The following ADCY8 variants were observed in gnomAD, a reference collection of about 807,000 sequenced individuals.
The protein encoded by ADCY8 is adenylate cyclase 8.
A neutral mutation model predicts 119.7 loss-of-function variants in ADCY8; 51 were observed. The observed-to-expected ratio is 0.43, with a 90% confidence interval of 0.34 to 0.54. The LOEUF is 0.54. Among genes scored for constraint, ADCY8 ranks in the 20% least tolerant of loss-of-function variants. The pLI is 0.03. For missense variants in ADCY8, 1,383 were observed against 1,598.8 expected, an observed-to-expected ratio of 0.87 and a Z score of 2.30; for synonymous variants, 665 against 651.0, an observed-to-expected ratio of 1.02 and a Z score of -0.33.
chr8:130,786,269 G>A (rs1166260902), intron 15 of ADCY8, among the ~76,000 whole-genome samples: 4 of 152,222 alleles, frequency 2.6e-5, no homozygotes, highest in African/African-American at 4.8e-5. Flanking sequence ...GAATGAATGA[G>A]TGAATGATTA....
chr8:130,964,869 A>C (rs1036475344), intron 2 of ADCY8, among the ~76,000 whole-genome samples: 5 of 151,948 alleles, frequency 3.3e-5, no homozygotes, highest in African/African-American at 4.8e-5. Context: ...AGCCATTCTT[A>C]CTCGTGTGAG....
intron 9 of ADCY8, among the ~76,000 whole-genome samples, chr8:130,853,332 G>A (rs528485490): frequency 9.2e-5 from 14 of 152,216 alleles, no homozygotes; most frequent in Admixed American, 3.3e-4. Flanking sequence ...GCCACAGATG[G>A]CACCGTCTCA....
At position 131,039,903 on chromosome 8, in the gene ADCY8, T is replaced by A; in HGVS notation, c.431A>T (p.Asn144Ile). Residue 144 changes from asparagine (N) to isoleucine (I), a missense_variant, in exon 1 of 18, where the codon AAT becomes ATT. Around this residue, in one of 2 missense-constraint regions of ADCY8, gnomAD observed 455 missense variants for 435.3 expected, o/e 1.05. Coordinates refer to ENST00000286355, the MANE Select transcript of ADCY8 (RefSeq NM_001115.3). ...CAPSNSDFFL[N>I]GGYSYRGVIF... ...GACCCCTCGGTAGCTATAGCCCCCA[T>A]TAAGAAAGAAATCCGAGTTGCTAGG... 1 of 1,613,202 alleles carries A rather than the reference T, an allele frequency of 6.2e-7. No homozygotes were observed. Among genetic ancestry groups the A allele is most frequent in the Middle Eastern group, 1.6e-4 (1 of 6,062 alleles).
chr8:131,008,797 G>C (rs1490593126), intron 1 of ADCY8, among the ~76,000 whole-genome samples: 1 of 152,168 alleles, frequency 6.6e-6, no homozygotes, highest in Non-Finnish European at 1.5e-5. Flanking sequence ...CCAAAATTCT[G>C]ATAGTGATAT....
At chr8:130,866,356 C>T (rs531524867) in intron 9 of ADCY8, among the ~76,000 whole-genome samples, 1 of 152,096 alleles carries the variant, frequency 6.6e-6, no homozygotes, top group South Asian at 2.1e-4. Flanking sequence ...CAGCATCATG[C>T]TACAATCTTC....
Position 130,814,128 on chromosome 8 carries a change from G to A in ADCY8, c.2854C>T (p.Arg952Trp), listed in dbSNP as rs150152490. ...GCCACATGGCTGGGTAAGATATTCC[G>A]GAGCATGTTCTCATTGTGTTCCCTC... is the stretch of plus-strand genomic sequence containing the variant. The part of the protein sequence containing the change: ...ELREHNENML[R>W]NILPSHVARH... The change falls in exon 14 of 18, where the codon CGG becomes TGG. Residue 952 changes from arginine to tryptophan, a missense_variant. Transcript: ENST00000286355. 3.2e-5 allele frequency: 51 copies of A among 1,614,024 alleles called. No homozygotes were observed. The highest frequency in any genetic ancestry group is 2.8e-4 in the African/African-American group (21 of 74,988).
At chr8:130,819,698 C>G (rs150138727) in intron 13 of ADCY8, among the ~76,000 whole-genome samples, 1 of 152,258 alleles carries the variant, frequency 6.6e-6, no homozygotes, top group African/African-American at 2.4e-5. Context: ...GTGTGTCAGA[C>G]TAAGGCACTC....
chr8:130,888,221 T>G (rs1241091679), intron 7 of ADCY8, among the ~76,000 whole-genome samples: 3 of 151,336 alleles, frequency 2.0e-5, no homozygotes, highest in Non-Finnish European at 4.4e-5. Flanking sequence ...ATATATATAA[T>G]AGAATACATA....
chr8:131,001,425 T>C (rs1822943514), intron 1 of ADCY8, among the ~76,000 whole-genome samples: 1 of 152,028 alleles, frequency 6.6e-6, no homozygotes, highest in South Asian at 2.1e-4. Flanking sequence ...CATGTGAGTT[T>C]AGGCAAGTCA....
At chr8:130,942,509 C>A (rs1383834324) in intron 4 of ADCY8, among the ~76,000 whole-genome samples, 1 of 152,168 alleles carries the variant, frequency 6.6e-6, no homozygotes, top group Non-Finnish European at 1.5e-5. Flanking sequence ...TAACACATAG[C>A]AGCATGTACA....
chr8:131,022,168 C>G (rs151336963), intron 1 of ADCY8, among the ~76,000 whole-genome samples: 1,592 of 152,206 alleles, frequency 0.01, 33 homozygotes, highest in African/African-American at 0.036. Context: ...TACATTTGCA[C>G]AACGTGCAGT....
chr8:131,019,677 A>G (rs1481385341), intron 1 of ADCY8, among the ~76,000 whole-genome samples: 1 of 152,150 alleles, frequency 6.6e-6, no homozygotes, highest in Non-Finnish European at 1.5e-5. Context: ...TTACTCTTAG[A>G]TAAATACTTA....
chr8:131,028,841 A>AC (rs1323070878), intron 1 of ADCY8, among the ~76,000 whole-genome samples: 2 of 152,184 alleles, frequency 1.3e-5, no homozygotes, highest in African/African-American at 4.8e-5. Flanking sequence ...GGTATGGAGT[A>AC]CCAGGAGTCA....
chr8:130,991,574 C>T (rs369573233), intron 1 of ADCY8, among the ~76,000 whole-genome samples: 43 of 152,264 alleles, frequency 2.8e-4, no homozygotes, highest in African/African-American at 9.9e-4. Context: ...AAGTTAATTA[C>T]CTGCTAAAGT....
chr8:130,904,632 A>G (rs970389101), intron 6 of ADCY8, among the ~76,000 whole-genome samples: 6 of 152,306 alleles, frequency 3.9e-5, no homozygotes, highest in African/African-American at 1.4e-4. Context: ...CCCCTATAAC[A>G]TGTATATTAT....
intron 1 of ADCY8, among the ~76,000 whole-genome samples, chr8:131,014,797 A>C (rs1246609522): frequency 2.0e-5 from 3 of 152,228 alleles, no homozygotes; most frequent in Non-Finnish European, 4.4e-5. Flanking sequence ...GAGTGACATA[A>C]TTACATAGAC....
chr8:130,861,764 G>A (rs1444313813), intron 9 of ADCY8, among the ~76,000 whole-genome samples: 1 of 150,946 alleles, frequency 6.6e-6, no homozygotes, highest in Non-Finnish European at 1.5e-5. Flanking sequence ...ATATTGGGGG[G>A]AAGCTGCAGT....
At chr8:130,927,058 G>A (rs1469401698) in intron 5 of ADCY8, among the ~76,000 whole-genome samples, 4 of 151,894 alleles carry the variant, frequency 2.6e-5, no homozygotes, top group African/African-American at 4.8e-5. Flanking sequence ...AATAAACATG[G>A]GAATGCAGAT....
At chr8:130,824,317 A>G (rs1816606944) in intron 12 of ADCY8, among the ~76,000 whole-genome samples, 1 of 152,194 alleles carries the variant, frequency 6.6e-6, no homozygotes, top group South Asian at 2.1e-4. Context: ...TTTAATTGTC[A>G]TATCAACAAT....
Sources: gnomAD v4.1 joint callset for allele counts (sites outside exome capture counted in the v4.1 genomes callset) on GRCh38, gnomAD v4.1.1 for gene constraint, gnomAD v4.1.1 regional missense constraint, MANE v1.5 for transcripts, NCBI Gene and HGNC (gene_info 2026-07-23, HGNC 2026-07-21) for gene names.